NTRK2: variants seen among roughly 807,000 people sequenced by gnomAD.
NTRK2 encodes the protein neurotrophic receptor tyrosine kinase 2, also known as BDNF/NT-3 growth factors receptor.
In NTRK2, 13 loss-of-function variants were observed where a neutral mutation model predicts 94.5. The ratio of observed to expected loss-of-function variants is 0.14; its 90% confidence interval spans 0.09 to 0.22. NTRK2 has a LOEUF of 0.22. Among genes scored for constraint, NTRK2 ranks in the 10% least tolerant of loss-of-function variants. The probability of loss-of-function intolerance (pLI) is 1.00; values close to 1 mark genes in which losing one functional copy is unlikely to be tolerated. For missense variants in NTRK2, 639 were observed against 1,071.2 expected, an observed-to-expected ratio of 0.60 and a Z score of 5.63; for synonymous variants, 372 against 407.4, an observed-to-expected ratio of 0.91 and a Z score of 1.05.
At chr9:84,992,047 T>C (rs1829147663) in intron 17 of NTRK2, among the ~76,000 whole-genome samples, 1 of 152,182 alleles carries the variant, frequency 6.6e-6, no homozygotes, top group African/African-American at 2.4e-5. Context: ...AGGGAGGTGC[T>C]GGAATGTGGA....
chr9:84,805,970 G>A (rs750421560), intron 12 of NTRK2, among the ~76,000 whole-genome samples: 2 of 152,152 alleles, frequency 1.3e-5, no homozygotes, highest in Non-Finnish European at 2.9e-5. Context: ...CTCCATAACT[G>A]TAAGAAATAA....
At chr9:84,872,627 A>G (rs1246892692) in intron 14 of NTRK2, 11 of 1,063,250 alleles carry the variant, frequency 1.0e-5, no homozygotes, top group African/African-American at 1.7e-5. Context: ...ACTTAATTCC[A>G]TTTCCAATGA....
chr9:84,797,169 G>A (rs1345268929), intron 12 of NTRK2, among the ~76,000 whole-genome samples: 1 of 152,058 alleles, frequency 6.6e-6, no homozygotes, highest in Non-Finnish European at 1.5e-5. Flanking sequence ...CATCAGGCAG[G>A]TGGTTGCATT....
intron 12 of NTRK2, chr9:84,811,647 A>G (rs2071805807): frequency 4.7e-6 from 5 of 1,065,338 alleles, no homozygotes; most frequent in East Asian, 5.0e-5. Flanking sequence ...ACATACTGTC[A>G]TACTGCTGGG....
At chr9:84,971,871 G>C (rs1187502560) in intron 17 of NTRK2, among the ~76,000 whole-genome samples, 1 of 152,168 alleles carries the variant, frequency 6.6e-6, no homozygotes, top group Non-Finnish European at 1.5e-5. Flanking sequence ...ATTGGGTATG[G>C]AAAGGGAAAA....
intron 8 of NTRK2, 48 bp downstream of exon 8, chr9:84,724,404 C>T (rs747041502): frequency 6.8e-6 from 11 of 1,612,116 alleles, no homozygotes; most frequent in East Asian, 2.2e-5. Context: ...TGATCATGGA[C>T]GTACCTACGT....
chr9:84,824,426 G>C (rs1301706722), intron 12 of NTRK2, among the ~76,000 whole-genome samples: 1 of 152,230 alleles, frequency 6.6e-6, no homozygotes, highest in Non-Finnish European at 1.5e-5. Context: ...GCAGAATTCA[G>C]ATCATCTTAG....
At chr9:85,015,832 T>C (rs1053797315) in intron 17 of NTRK2, among the ~76,000 whole-genome samples, 5 of 152,130 alleles carry the variant, frequency 3.3e-5, no homozygotes, top group African/African-American at 1.2e-4. Context: ...AACTTGGCCC[T>C]GGGTAGGAAG....
intron 12 of NTRK2, among the ~76,000 whole-genome samples, chr9:84,833,859 G>A (rs2073717124): frequency 6.6e-6 from 1 of 152,190 alleles, no homozygotes; most frequent in East Asian, 1.9e-4. Flanking sequence ...CCTAAGTAAG[G>A]ATTTCTGGGG....
chr9:84,694,127 T>C (rs1403952279), intron 2 of NTRK2, among the ~76,000 whole-genome samples: 1 of 152,190 alleles, frequency 6.6e-6, no homozygotes, highest in Non-Finnish European at 1.5e-5. Context: ...CGTGGTACAG[T>C]GGCTATGGGC....
chr9:84,932,292 TGA>T (rs923150506), intron 14 of NTRK2, among the ~76,000 whole-genome samples: 1 of 152,114 alleles, frequency 6.6e-6, no homozygotes, highest in Non-Finnish European at 1.5e-5. Context: ...AGGACACCGT[TGA>T]GAGAGAGATT....
intron 17 of NTRK2, among the ~76,000 whole-genome samples, chr9:84,972,236 A>G (rs1826272368): frequency 6.6e-6 from 1 of 152,204 alleles, no homozygotes; most frequent in Admixed American, 6.5e-5. Flanking sequence ...TGTCTGTTGC[A>G]TAGAAGTTTC....
At chr9:84,957,550 A>C (rs915219354) in intron 17 of NTRK2, among the ~76,000 whole-genome samples, 1 of 152,196 alleles carries the variant, frequency 6.6e-6, no homozygotes, top group African/African-American at 2.4e-5. Flanking sequence ...GAAAACTCAC[A>C]ATAAGACACC....
chr9:85,011,038 A>G (rs1016109950), intron 17 of NTRK2, among the ~76,000 whole-genome samples: 1 of 151,786 alleles, frequency 6.6e-6, no homozygotes, highest in African/African-American at 2.4e-5. Flanking sequence ...CCCTTAGCCA[A>G]CTCCCAGGGA....
At chr9:84,728,902 C>A (rs2062648216) in intron 9 of NTRK2, among the ~76,000 whole-genome samples, 1 of 152,226 alleles carries the variant, frequency 6.6e-6, no homozygotes, top group Non-Finnish European at 1.5e-5. Flanking sequence ...AGTCTCATTG[C>A]CCAAATGCTT....
At chr9:84,904,938 G>A (rs149979746) in intron 14 of NTRK2, among the ~76,000 whole-genome samples, 7 of 152,016 alleles carry the variant, frequency 4.6e-5, no homozygotes, top group Non-Finnish European at 7.4e-5. Context: ...ACATATGTTC[G>A]TCAACTCTTG....
chr9:84,710,051 TC>T (rs1431883906), intron 5 of NTRK2, among the ~76,000 whole-genome samples: 9 of 151,972 alleles, frequency 5.9e-5, no homozygotes, highest in Admixed American at 5.9e-4. Flanking sequence ...TCACCTTTAC[TC>T]CAGCTATCTT....
intron 9 of NTRK2, among the ~76,000 whole-genome samples, chr9:84,739,174 C>T (rs2063460839): frequency 6.6e-6 from 1 of 152,142 alleles, no homozygotes; most frequent in Admixed American, 6.5e-5. Context: ...CCTCAGCCTC[C>T]AGAATAGCTG....
rs113784599 is a variant in NTRK2 at position 84,727,188 on chromosome 9, G to A, written c.854-466G>A. On this transcript the variant is annotated intron_variant, in intron 8 of 18. Coordinates refer to ENST00000277120, the MANE Select transcript of NTRK2 (RefSeq NM_006180.6). Reference sequence around the variant, plus strand: ...GTTTTCGAAGTTATGTGAGATCAGGGCTTCAGGCAAAATTTTAAAAGTCAT... The same window carrying A: ...GTTTTCGAAGTTATGTGAGATCAGGACTTCAGGCAAAATTTTAAAAGTCAT... Among the ~76,000 whole-genome samples the A allele has an allele frequency of 3.8e-3, 582 of 152,204 alleles. 5 individuals are homozygous for A. Among genetic ancestry groups the A allele is most frequent in the African/African-American group, 0.013 (544 of 41,472 alleles).
Sources: allele counts gnomAD v4.1 joint callset (sites outside exome capture counted in the v4.1 genomes callset), GRCh38; gene constraint gnomAD v4.1.1; transcripts MANE v1.5; gene names NCBI Gene and HGNC (gene_info 2026-07-23, HGNC 2026-07-21).